The following B4GALNT1 variants were observed in gnomAD, a reference collection of about 807,000 sequenced individuals.
B4GALNT1 encodes the protein beta-1,4 N-acetylgalactosaminyltransferase 1.
Under a neutral mutation model 55.2 loss-of-function variants are expected in B4GALNT1, and 43 were observed. That is an observed-to-expected ratio of 0.78 (90% CI 0.61 to 1.00). The LOEUF is 1.00. Ranked by LOEUF, B4GALNT1 falls within the 50% of genes least tolerant of loss-of-function variation. The probability of loss-of-function intolerance (pLI) is 0.00; values close to 1 mark genes in which losing one functional copy is unlikely to be tolerated. For missense variants in B4GALNT1, 664 were observed against 729.7 expected (o/e 0.91, Z 1.04); for synonymous variants, 305 against 311.6 (o/e 0.98, Z 0.22).
At position 57,624,201 on chromosome 12, in the gene B4GALNT1, C is replaced by G; in HGVS notation, c.*2543G>C. ...ATTGTCCTGGTCTTAAGTTCTGCAA[C>G]CCACCCACTCCCCCAGCAAACATAA... On this transcript the variant is annotated 3_prime_UTR_variant, in exon 11 of 11. Coordinates refer to ENST00000341156, the MANE Select transcript of B4GALNT1 (RefSeq NM_001478.5). The G allele has an allele frequency of 9.6e-7, 1 of 1,039,708 alleles. No homozygotes were observed. Among genetic ancestry groups the G allele is most frequent in the Non-Finnish European group, 1.4e-6 (1 of 697,900 alleles). The allele number at this position is 1,039,708 out of a possible 1,614,324, so 64.4% of individuals were successfully genotyped here. A position where few individuals can be genotyped will look rare whatever the true frequency, so the allele number is the denominator to read the frequency against.
In B4GALNT1 at chr12:57,627,662, C is replaced by T; in HGVS notation, c.1340G>A (p.Arg447His). The change falls in exon 10 of 11, where the codon CGC becomes CAC. Residue 447 changes from arginine (R) to histidine (H), a missense_variant. By Grantham distance (29) the Arg-to-His change is conservative. Transcript: ENST00000341156. ...NFFLARTDKV[R>H]EVGFDPRLSR... Reference sequence around the variant, plus strand: ...GAGGCGGGGGTCGAAACCGACCTCGCGCACCTTGTCAGTCCGCGCCAGGAA... The same window carrying T: ...GAGGCGGGGGTCGAAACCGACCTCGTGCACCTTGTCAGTCCGCGCCAGGAA... The T allele has an allele frequency of 6.2e-7, 1 of 1,606,922 alleles. No homozygotes were observed.
chr12:57,625,879 G>T lies in B4GALNT1; in HGVS notation c.*865C>A. ...TCAGGGAGCCCGGGCTGAGCTATGG[G>T]TGAGGAACTGAAGAACTCAGATCCC... On this transcript the variant is annotated 3_prime_UTR_variant, in exon 11 of 11. Coordinates refer to ENST00000341156, the MANE Select transcript of B4GALNT1 (RefSeq NM_001478.5). The T allele has an allele frequency of 9.4e-7, 1 of 1,059,474 alleles. No homozygotes were observed. Among genetic ancestry groups the T allele is most frequent in the African/African-American group, 1.6e-5 (1 of 63,042 alleles). The allele number at this position is 1,059,474 out of a possible 1,614,324, so 65.6% of individuals were successfully genotyped here.
chr12:57,630,955 C>T, intron 4 of B4GALNT1, 25 bp downstream of exon 4: 6 of 1,600,006 alleles, frequency 3.7e-6, no homozygotes, highest in Non-Finnish European at 5.1e-6. Context: ...TGGCTGAGGT[C>T]ATCCTCTGGG....
Position 57,626,892 on chromosome 12 carries a change from G to C in B4GALNT1, c.1454C>G (p.Ser485Cys). Residue 485 changes from serine to cysteine, a missense_variant, in exon 11 of 11, where the codon TCC becomes TGC. Transcript: ENST00000341156. ...TGATGTCCAAGGCAGCTTCAGTTTG[G>C]ATGCATGATCCACCACGACGTCGGA... ...SCSDVVVDHASKLKLPWTSRD... is the reference protein window; with the variant it reads ...SCSDVVVDHACKLKLPWTSRD... The C allele has an allele frequency of 6.2e-7, 1 of 1,614,194 alleles. No homozygotes were observed. Among genetic ancestry groups the C allele is most frequent in the Admixed American group, 1.7e-5 (1 of 60,016 alleles).
rs1454315463 is a variant in B4GALNT1 at position 57,628,057 on chromosome 12, C to T, written c.1143+65G>A. On this transcript the variant is annotated intron_variant, in intron 9 of 10. Transcript: ENST00000341156. ...GCTGGCCGTTCCTGGCCGCAGCGCC[C>T]CCGCTGTGGCCTTAGCCTGTTCAAG... is the stretch of plus-strand genomic sequence containing the variant. The T allele has an allele frequency of 2.5e-6, 4 of 1,588,110 alleles. No homozygotes were observed. The Admixed American group carries it at 6.9e-5, about 27-fold the overall frequency.
chr12:57,627,084 T>C, intron 10 of B4GALNT1, 123 bp from the exon 11 acceptor site: 1 of 779,216 alleles, frequency 1.3e-6, no homozygotes, highest in Non-Finnish European at 2.1e-6. Context: ...CTAAGGACCC[T>C]GAGCATGTAA....
chr12:57,628,859 A>T lies in B4GALNT1; in HGVS notation c.856T>A (p.Phe286Ile). 6.2e-7 allele frequency: 1 copy of T among 1,614,186 alleles called. No homozygotes were observed. The highest frequency in any genetic ancestry group is 8.5e-7 in the Non-Finnish European group (1 of 1,180,022). ...GCCCGTAGCCGATCATAACGGAGGA[A>T]GGTCTTGGTGGCAATCGTGACTAGA... Reference protein sequence around the residue: ...SALVTIATKTFLRYDRLRALI... With the variant: ...SALVTIATKTILRYDRLRALI... Residue 286 changes from phenylalanine to isoleucine, a missense_variant, in exon 8 of 11, where the codon TTC becomes ATC. Coordinates refer to ENST00000341156, the MANE Select transcript of B4GALNT1 (RefSeq NM_001478.5).
intron 4 of B4GALNT1, 130 bp from the exon 5 acceptor site, chr12:57,630,648 GCA>G: frequency 9.0e-7 from 1 of 1,115,122 alleles, no homozygotes; most frequent in Non-Finnish European, 1.3e-6. Flanking sequence ...CCTCAGCAGG[GCA>G]CACTGTATAA....
chr12:57,628,138 C>T lies in B4GALNT1; in HGVS notation c.1127G>A (p.Arg376Gln). ...RLERLVDVLERTPLDLVGGAV... is the reference protein window; with the variant it reads ...RLERLVDVLEQTPLDLVGGAV... ...CTGCCCTACCAGGTCCAGCGGCGTCCGCTCCAGCACGTCCACAAGCCTCTC... is the reference window on the plus strand; with the variant it reads ...CTGCCCTACCAGGTCCAGCGGCGTCTGCTCCAGCACGTCCACAAGCCTCTC... Residue 376 changes from arginine to glutamine, a missense_variant, in exon 9 of 11, where the codon CGG becomes CAG. Coordinates refer to ENST00000341156, the MANE Select transcript of B4GALNT1 (RefSeq NM_001478.5). The T allele has an allele frequency of 6.2e-7, 1 of 1,614,040 alleles. No homozygotes were observed.
Position 57,629,094 on chromosome 12 carries a change from G to C in B4GALNT1, c.765C>G (p.His255Gln). ...GTGGGTACAGCCGAGGGTTGGGCGG[G>C]TGTCTTATGCGGATAGTGAAAGCAG... Reference protein sequence around the residue: ...HEAAFTIRIRHPPNPRLYPPG... With the variant: ...HEAAFTIRIRQPPNPRLYPPG... Residue 255 changes from histidine (H) to glutamine (Q), a missense_variant, in exon 7 of 11, where the codon CAC becomes CAG. His to Gln is a conservative substitution (Grantham distance 24, BLOSUM62 0). Transcript: ENST00000341156. The C allele has an allele frequency of 6.3e-7, 1 of 1,598,692 alleles. No individual in the cohort carries two copies. Among genetic ancestry groups the C allele is most frequent in the Non-Finnish European group, 8.6e-7 (1 of 1,168,662 alleles).
chr12:57,626,050 A>C lies in B4GALNT1; in HGVS notation c.*694T>G, dbSNP rs555866506. ...GTGTGGGTCTGACCTCATCATGTGG[A>C]GTGCAGAGGGCCCTGATGACATGTG... is the stretch of plus-strand genomic sequence containing the variant. On this transcript the variant is annotated 3_prime_UTR_variant, in exon 11 of 11. Transcript: ENST00000341156. 9.8e-5 allele frequency: 26 copies of C among 266,184 alleles called. No individual in the cohort carries two copies. The highest frequency in any genetic ancestry group is 1.1e-3 in the Middle Eastern group (1 of 872). 16.5% of individuals were successfully genotyped at this position (266,184 alleles called of 1,614,324 possible). A position where few individuals can be genotyped will look rare whatever the true frequency, so the allele number is the denominator to read the frequency against.
Position 57,631,912 on chromosome 12 carries a change from C to T in B4GALNT1, c.218+3G>A, listed in dbSNP as rs534200134. ...GCGCTGCGCCGCCGCGGTCGGCACTCACCCCACTACTTGCTCCTTGATCCT... is the reference window on the plus strand; with the variant it reads ...GCGCTGCGCCGCCGCGGTCGGCACTTACCCCACTACTTGCTCCTTGATCCT... On this transcript the variant is annotated splice_donor_region_variant and intron_variant, in intron 2 of 10. Coordinates refer to ENST00000341156, the MANE Select transcript of B4GALNT1 (RefSeq NM_001478.5). 11 of 1,402,800 alleles carry T rather than the reference C, an allele frequency of 7.8e-6. No homozygotes were observed. In the African/African-American group the frequency reaches 9.0e-5, roughly 11 times the overall value. The allele number at this position is 1,402,800 out of a possible 1,614,324, so 86.9% of individuals were successfully genotyped here. A position where few individuals can be genotyped will look rare whatever the true frequency, so the allele number is the denominator to read the frequency against.
rs142798108 is a variant in B4GALNT1, at chr12:57,624,065, T to C, written c.*2679A>G. On this transcript the variant is annotated 3_prime_UTR_variant, in exon 11 of 11. Coordinates refer to ENST00000341156, the MANE Select transcript of B4GALNT1 (RefSeq NM_001478.5). ...AGGTGTTCTGCCAGATGCAGGAACT[T>C]CCACAACTATGGCACATCAGCCGAG... The C allele has an allele frequency of 8.1e-6, 13 of 1,613,730 alleles. No individual in the cohort carries two copies. In the African/African-American group the frequency reaches 1.7e-4, roughly 22 times the overall value.
At chr12:57,628,099 A>G in intron 9 of B4GALNT1, 23 bp downstream of exon 9, 1 of 1,612,306 alleles carries the variant, frequency 6.2e-7, no homozygotes, top group Non-Finnish European at 8.5e-7. Flanking sequence ...CTCCACCCCC[A>G]CATCCTGCAG....
chr12:57,627,087 G>T, intron 10 of B4GALNT1, 126 bp from the exon 11 acceptor site: 2 of 765,090 alleles, frequency 2.6e-6, no homozygotes, highest in Non-Finnish European at 4.3e-6. Flanking sequence ...AGGACCCTGA[G>T]CATGTAAATC....
At position 57,631,905 on chromosome 12, in the gene B4GALNT1, C is replaced by T; in HGVS notation, c.218+10G>A. ...GAGCGCTGCGCTGCGCCGCCGCGGT[C>T]GGCACTCACCCCACTACTTGCTCCT... On this transcript the variant is annotated intron_variant, in intron 2 of 10. Transcript: ENST00000341156. The T allele has an allele frequency of 7.2e-7, 1 of 1,385,608 alleles. No individual in the cohort carries two copies. The highest frequency in any genetic ancestry group is 9.4e-7 in the Non-Finnish European group (1 of 1,069,048). The allele number at this position is 1,385,608 out of a possible 1,614,324, so 85.8% of individuals were successfully genotyped here.
intron 10 of B4GALNT1, 43 bp downstream of exon 10, chr12:57,627,575 G>T (rs777444880): frequency 2.6e-6 from 4 of 1,535,206 alleles, no homozygotes; most frequent in Non-Finnish European, 3.5e-6. Flanking sequence ...CCAGCTCCCC[G>T]TGGGGCTCCT....
rs765111008 is a variant in B4GALNT1, at chr12:57,625,753, G to A, written c.*991C>T. 1 of 1,519,328 alleles carries A rather than the reference G, an allele frequency of 6.6e-7. No individual in the cohort carries two copies. The highest frequency in any genetic ancestry group is 8.8e-7 in the Non-Finnish European group (1 of 1,135,710). 94.1% of individuals were successfully genotyped at this position (1,519,328 alleles called of 1,614,324 possible). ...CTGGGCTGCGGCAAGTGAGGCAGGGGTAAGTGGCTGGAGACCCAGGGAGAG... is the reference window on the plus strand; with the variant it reads ...CTGGGCTGCGGCAAGTGAGGCAGGGATAAGTGGCTGGAGACCCAGGGAGAG... On this transcript the variant is annotated 3_prime_UTR_variant, in exon 11 of 11. Coordinates refer to ENST00000341156, the MANE Select transcript of B4GALNT1 (RefSeq NM_001478.5).
intron 8 of B4GALNT1, 66 bp from the exon 9 acceptor site, chr12:57,628,328 T>C: frequency 6.2e-7 from 1 of 1,601,646 alleles, no homozygotes; most frequent in Non-Finnish European, 8.5e-7. Context: ...GCCACCTTTC[T>C]TTCTCTCCCC....
Sources: allele counts gnomAD v4.1 joint callset, GRCh38; gene constraint gnomAD v4.1.1; transcripts MANE v1.5; gene names NCBI Gene and HGNC (gene_info 2026-07-23, HGNC 2026-07-21).